GRID2: variants seen among roughly 807,000 people sequenced by gnomAD.
GRID2 encodes the protein glutamate receptor ionotropic, delta-2.
A neutral mutation model predicts 114.8 loss-of-function variants in GRID2; 33 were observed. The observed-to-expected ratio is 0.29, with a 90% confidence interval of 0.22 to 0.38. GRID2 has a LOEUF of 0.38. GRID2 is among the 10% of genes least tolerant of loss of function. The pLI, the probability that GRID2 is intolerant of heterozygous loss-of-function variation, is 1.00. For synonymous variants in GRID2, 505 were observed against 449.9 expected, an observed-to-expected ratio of 1.12 and a Z score of -1.55; for missense variants, 1,184 against 1,257.7, an observed-to-expected ratio of 0.94 and a Z score of 0.89.
chr4:92,632,586 C>T (rs1170877243), intron 2 of GRID2, among the ~76,000 whole-genome samples: 2 of 151,812 alleles, frequency 1.3e-5, no homozygotes, highest in African/African-American at 2.4e-5. Context: ...GAGCCGAGAT[C>T]GCACCACTGC....
intron 2 of GRID2, among the ~76,000 whole-genome samples, chr4:92,608,764 A>G (rs1729580333): frequency 6.6e-6 from 1 of 151,764 alleles, no homozygotes; most frequent in South Asian, 2.1e-4. Context: ...TAATGTTTTA[A>G]CATAAGTATT....
intron 14 of GRID2, among the ~76,000 whole-genome samples, chr4:93,740,072 G>A (rs1400233281): frequency 6.6e-6 from 1 of 152,052 alleles, no homozygotes. Context: ...GAAGACGGTG[G>A]TCCCATGAGA....
In GRID2 at chr4:93,631,187, T is replaced by C. The variant is rs1578440224; in HGVS notation, c.2360+4752T>C. Among the ~76,000 whole-genome samples the C allele has an allele frequency of 4.6e-5, 7 of 152,180 alleles. No individual in the cohort carries two copies. In the South Asian group the frequency reaches 1.5e-3, roughly 32 times the overall value. On this transcript the variant is annotated intron_variant, in intron 14 of 15. Transcript: ENST00000282020. ...AAAAATGACACACACTTTTAACAAGTGTGTTTCAAATAAACACTTAGGGAT... is the reference window on the plus strand; with the variant it reads ...AAAAATGACACACACTTTTAACAAGCGTGTTTCAAATAAACACTTAGGGAT...
chr4:93,110,903 C>T lies in GRID2; in HGVS notation c.685C>T (p.Arg229Ter), dbSNP rs757352968. 1.9e-6 allele frequency: 3 copies of T among 1,612,786 alleles called. No homozygotes were observed. Among genetic ancestry groups the T allele is most frequent in the African/African-American group, 1.3e-5 (1 of 75,004 alleles). ...ELNRYRDTLR[R>*]AILVMNPATA... ...GAATCGCTATCGAGACACTCTTAGG[C>T]GAGCGATCCTTGTTATGAATCCTGC... Residue 229 changes from arginine (R) to a stop codon, truncating the protein, a stop_gained, in exon 4 of 16, where the codon CGA (arginine) becomes TGA (stop). Transcript: ENST00000282020. LOFTEE classifies it high-confidence loss of function.
chr4:93,275,174 C>G (rs1448375130), intron 8 of GRID2, among the ~76,000 whole-genome samples: 1 of 151,840 alleles, frequency 6.6e-6, no homozygotes, highest in African/African-American at 2.4e-5. Flanking sequence ...GATATGTGAT[C>G]TTTGTAACTG....
At chr4:93,347,787 T>TTA (rs1452971670) in intron 8 of GRID2, among the ~76,000 whole-genome samples, 1 of 152,168 alleles carries the variant, frequency 6.6e-6, no homozygotes, top group East Asian at 1.9e-4. Flanking sequence ...TTAGTAAAAG[T>TTA]AGCTAGATTC....
At chr4:92,561,657 A>G (rs1727108026) in intron 1 of GRID2, among the ~76,000 whole-genome samples, 1 of 152,210 alleles carries the variant, frequency 6.6e-6, no homozygotes, top group Non-Finnish European at 1.5e-5. Context: ...TAGTGTGGCT[A>G]CATTGTTTAG....
chr4:93,023,210 T>A (rs1005545606), intron 2 of GRID2, among the ~76,000 whole-genome samples: 1 of 151,790 alleles, frequency 6.6e-6, no homozygotes, highest in African/African-American at 2.4e-5. Context: ...ATAGCTGATT[T>A]TACCATTTTT....
In GRID2 at chr4:93,768,271, C is replaced by T. The variant is rs577885790; in HGVS notation, c.2361-939C>T. Among the ~76,000 whole-genome samples, 46 of 152,280 alleles carry T rather than the reference C, an allele frequency of 3.0e-4. 1 individual carries two copies. In the South Asian group the frequency reaches 8.1e-3, roughly 27 times the overall value. Reference sequence around the variant, plus strand: ...AGGAAATTCCAGGGAACCCAGAGGACGATGCACACTCTGTACAGGCACACA... The same window carrying T: ...AGGAAATTCCAGGGAACCCAGAGGATGATGCACACTCTGTACAGGCACACA... On this transcript the variant is annotated intron_variant, in intron 14 of 15. Coordinates refer to ENST00000282020, the MANE Select transcript of GRID2 (RefSeq NM_001510.4).
chr4:93,015,779 C>G (rs1040437089), intron 2 of GRID2, among the ~76,000 whole-genome samples: 8 of 151,972 alleles, frequency 5.3e-5, no homozygotes, highest in Non-Finnish European at 1.2e-4. Context: ...AGTTTGGAAC[C>G]TGGATAATCT....
intron 2 of GRID2, among the ~76,000 whole-genome samples, chr4:92,804,273 TC>T: frequency 6.6e-6 from 1 of 152,032 alleles, no homozygotes; most frequent in East Asian, 1.9e-4. Flanking sequence ...GGAAAAATAT[TC>T]TATTTAATTA....
At chr4:92,722,564 T>G (rs144489229) in intron 2 of GRID2, among the ~76,000 whole-genome samples, 1 of 151,998 alleles carries the variant, frequency 6.6e-6, no homozygotes, top group Non-Finnish European at 1.5e-5. Flanking sequence ...AAAGAAGATA[T>G]TAACTAAGTG....
intron 1 of GRID2, among the ~76,000 whole-genome samples, chr4:93,785,276 A>C (rs751028074): frequency 6.6e-6 from 1 of 152,220 alleles, no homozygotes; most frequent in Non-Finnish European, 1.5e-5. Flanking sequence ...GGTGTTTGCA[A>C]TCTACTGGGG....
At position 92,304,708 on chromosome 4, in the gene GRID2, T is replaced by C. The variant is rs149791730; in HGVS notation, c.52T>C (p.Trp18Arg). The C allele has an allele frequency of 2.7e-5, 44 of 1,613,444 alleles. 1 individual carries two copies. Among genetic ancestry groups the C allele is most frequent in the East Asian group, 2.7e-4 (12 of 44,886 alleles). ...LVLSVWWSRT[W>R]DSANADSIIH... ...TTTGTCCGTCTGGTGGTCTCGAACC[T>C]GGGACTCGGCGAATGCGGATTCGAT... The change falls in exon 1 of 16, where the codon TGG becomes CGG. Residue 18 changes from tryptophan (W) to arginine (R), a missense_variant. By Grantham distance (101) the Trp-to-Arg change is moderately radical. Around this residue, in one of 3 missense-constraint regions of GRID2, gnomAD observed 455 missense variants for 429.5 expected, o/e 1.06. Coordinates refer to ENST00000282020, the MANE Select transcript of GRID2 (RefSeq NM_001510.4).
At chr4:92,661,062 C>G (rs1732488864) in intron 2 of GRID2, among the ~76,000 whole-genome samples, 1 of 150,602 alleles carries the variant, frequency 6.6e-6, no homozygotes, top group South Asian at 2.1e-4. Context: ...TTTAAAATAA[C>G]CGTGGGCAGA....
chr4:92,557,708 T>C (rs1423839823), intron 1 of GRID2, among the ~76,000 whole-genome samples: 1 of 150,816 alleles, frequency 6.6e-6, no homozygotes, highest in Non-Finnish European at 1.5e-5. Flanking sequence ...AAATGTGTAT[T>C]TATATATGGC....
At chr4:92,625,754 TG>T (rs1351135252) in intron 2 of GRID2, among the ~76,000 whole-genome samples, 1 of 151,958 alleles carries the variant, frequency 6.6e-6, no homozygotes, top group Admixed American at 6.6e-5. Context: ...GTGATTCTTA[TG>T]CTAGCCTATA....
chr4:93,533,773 C>T (rs1335796941), intron 13 of GRID2, among the ~76,000 whole-genome samples: 1 of 151,966 alleles, frequency 6.6e-6, no homozygotes, highest in East Asian at 1.9e-4. Flanking sequence ...CTGTCTCTTT[C>T]CTGGATTATT....
At chr4:92,884,812 G>A in intron 2 of GRID2, 1 of 326,230 alleles carries the variant, frequency 3.1e-6, no homozygotes, top group Non-Finnish European at 6.2e-6. Flanking sequence ...ATTTCATGTT[G>A]AATCAGAATG....
Sources: allele counts gnomAD v4.1 joint callset (sites outside exome capture counted in the v4.1 genomes callset), GRCh38; gene constraint gnomAD v4.1.1; regional missense constraint gnomAD v4.1.1; transcripts MANE v1.5; gene names NCBI Gene and HGNC (gene_info 2026-07-23, HGNC 2026-07-21).